The following GRIPAP1 variants were observed in gnomAD, a reference collection of about 807,000 sequenced individuals.
GRIPAP1 encodes GRIP1-associated protein 1.
In GRIPAP1, 14 loss-of-function variants were observed where a neutral mutation model predicts 84.1. The observed-to-expected ratio is 0.17, with a 90% CI of 0.11 to 0.26. The LOEUF (loss-of-function observed/expected upper bound fraction) is 0.26. GRIPAP1 is among the 10% of genes least tolerant of loss of function. The pLI is 1.00. For missense variants in GRIPAP1, 518 were observed against 674.2 expected, an observed-to-expected ratio of 0.77 and a Z score of 2.57; for synonymous variants, 261 against 256.8, an observed-to-expected ratio of 1.02 and a Z score of -0.15.
intron 3 of GRIPAP1, among the ~76,000 whole-genome samples, chrX:48,998,705 C>A (rs2064560560): frequency 8.9e-6 from 1 of 112,495 alleles, no homozygotes; most frequent in Admixed American, 9.4e-5. Context: ...GTTCATCCAA[C>A]AAATATTTAT....
chrX:49,001,853 AG>A (rs1385189708), intron 1 of GRIPAP1, among the ~76,000 whole-genome samples: 4 of 110,202 alleles, frequency 3.6e-5, no homozygotes, highest in African/African-American at 1.3e-4. Context: ...TCGCCTTCTC[AG>A]GATCTCCTTC....
intron 21 of GRIPAP1, among the ~76,000 whole-genome samples, chrX:48,979,478 CAAAAAAAAAAA>C (rs2064442674): frequency 2.7e-4 from 1 of 3,677 alleles, no homozygotes; most frequent in African/African-American, 8.4e-4. Context: ...CTCCGTCTAA[CAAAAAAAAAAA>C]AAAAAAAAAA....
At chrX:48,979,785 T>TG (rs2064445752) in intron 21 of GRIPAP1, among the ~76,000 whole-genome samples, 1 of 106,234 alleles carries the variant, frequency 9.4e-6, no homozygotes, top group African/African-American at 3.4e-5. Flanking sequence ...GCTAATTTTT[T>TG]GTATTTTCAG....
rs782361769 is a variant in GRIPAP1, at chrX:48,987,842, C to G, written c.984G>C (p.Val328=). The G allele has an allele frequency of 1.7e-6, 2 of 1,201,876 alleles. No homozygotes were observed. Among genetic ancestry groups the G allele is most frequent in the Non-Finnish European group, 2.2e-6 (2 of 890,578 alleles). The stretch of plus-strand genomic sequence containing the variant: ...CATTGTTCTCAGCCAAAAGCCCTTC[C>G]ACTTGTTCCTGTGCATCTGCACTCT... ...SIQSADAQEQ[V]EGLLAENNAL... Residue 328 remains valine, a synonymous_variant, in exon 13 of 26, where the codon GTG becomes GTC. Transcript: ENST00000376423.
intron 12 of GRIPAP1, 48 bp downstream of exon 12, chrX:48,988,073 G>T: frequency 9.9e-7 from 1 of 1,006,644 alleles, no homozygotes; most frequent in East Asian, 3.2e-5. Flanking sequence ...CACTCAGGCT[G>T]CCCCCATCCT....
rs1436602196 is a variant in GRIPAP1, at chrX:48,978,450, G to C, written c.1931-15C>G. 7.6e-6 allele frequency: 9 copies of C among 1,178,848 alleles called. No homozygotes were observed. The highest frequency in any genetic ancestry group is 6.8e-6 in the Non-Finnish European group (6 of 876,681). On this transcript the variant is annotated splice_polypyrimidine_tract_variant and intron_variant, in intron 21 of 25. Transcript: ENST00000376423. ...CTCCTCAAGGCCTGGGTGGTGGAGG[G>C]AAGAGAAACTTGAGCCCCAATACCC...
At chrX:48,987,516 G>A (rs1284675367) in intron 13 of GRIPAP1, among the ~76,000 whole-genome samples, 4 of 95,391 alleles carry the variant, frequency 4.2e-5, no homozygotes, top group East Asian at 3.2e-4. Flanking sequence ...GTGCGATCTC[G>A]GCTCACTGAA....
Position 48,993,597 on chromosome X carries a change from G to C in GRIPAP1, c.307-19C>G, listed in dbSNP as rs782484802. 1 of 1,102,206 alleles carries C rather than the reference G, an allele frequency of 9.1e-7. No individual in the cohort carries two copies. The highest frequency in any genetic ancestry group is 1.2e-6 in the Non-Finnish European group (1 of 836,484). 90.8% of individuals were successfully genotyped at this position (1,102,206 alleles called of 1,213,427 possible). A position where few individuals can be genotyped will look rare whatever the true frequency, so the allele number is the denominator to read the frequency against. ...TGCAGAGCTGAACAGAGGAAGAGAA[G>C]GGGCAGAGAAGCAGAGAATCAGAGC... On this transcript the variant is annotated intron_variant, in intron 5 of 25. Coordinates refer to ENST00000376423, the MANE Select transcript of GRIPAP1 (RefSeq NM_020137.5).
In GRIPAP1 at chrX:48,997,270, G is replaced by C; in HGVS notation, c.286C>G (p.Leu96Val). The C allele has an allele frequency of 1.7e-6, 2 of 1,162,017 alleles. No individual in the cohort carries two copies. The highest frequency in any genetic ancestry group is 2.3e-6 in the Non-Finnish European group (2 of 856,338). ...AGCACCTTGCTGAACTCGGCCATTA[G>C]TGTGCTGTTCTGCAAACGGAAGTCC... ...EEDFRLQNST[L>V]MAEFSKLCSQ... The change falls in exon 5 of 26, where the codon CTA becomes GTA. Residue 96 changes from leucine to valine, a missense_variant. Coordinates refer to ENST00000376423, the MANE Select transcript of GRIPAP1 (RefSeq NM_020137.5).
At position 48,990,913 on chromosome X, in the gene GRIPAP1, G is replaced by A; in HGVS notation, c.642+13C>T. 1 of 1,136,780 alleles carries A rather than the reference G, an allele frequency of 8.8e-7. No homozygotes were observed. The allele number at this position is 1,136,780 out of a possible 1,213,427, so 93.7% of individuals were successfully genotyped here. On this transcript the variant is annotated intron_variant, in intron 7 of 25. Coordinates refer to ENST00000376423, the MANE Select transcript of GRIPAP1 (RefSeq NM_020137.5). Reference sequence around the variant, plus strand: ...GCCTTCTGGCATTCCAGCTCCAACAGACTCAGATTCACCTCTAAGCCTTGC... The same window carrying A: ...GCCTTCTGGCATTCCAGCTCCAACAAACTCAGATTCACCTCTAAGCCTTGC...
chrX:48,977,780 G>A lies in GRIPAP1; in HGVS notation c.2061+525C>T, dbSNP rs186471973. On this transcript the variant is annotated intron_variant, in intron 22 of 25. Transcript: ENST00000376423. ...TTAAACTCCTGAGCTCAAGTGATCCGCCCACCTTGGCCTCCCAAAGTGTAG... is the reference window on the plus strand; with the variant it reads ...TTAAACTCCTGAGCTCAAGTGATCCACCCACCTTGGCCTCCCAAAGTGTAG... The A allele has an allele frequency of 7.1e-3, 775 of 109,013 alleles. 2 individuals carry two copies. Among genetic ancestry groups the A allele is most frequent in the Non-Finnish European group, 0.01 (548 of 52,487 alleles). The allele number at this position is 109,013 out of a possible 1,213,427, so 9.0% of individuals were successfully genotyped here. A position where few individuals can be genotyped will look rare whatever the true frequency, so the allele number is the denominator to read the frequency against.
chrX:48,987,442 CT>C (rs782089098), intron 13 of GRIPAP1, among the ~76,000 whole-genome samples: 2,431 of 83,135 alleles, frequency 0.029, 30 homozygotes, highest in Non-Finnish European at 0.045. Flanking sequence ...CCACCACGCC[CT>C]TTTTTTTTTT....
rs1557060461 is a variant in GRIPAP1, at chrX:48,976,235, C to T, written c.2184+6G>A. ...GGGGATGGGCAGGCAGGCAGGCAGGCAGCACCTTCTCCTCCAGCATCCATT... is the reference window on the plus strand; with the variant it reads ...GGGGATGGGCAGGCAGGCAGGCAGGTAGCACCTTCTCCTCCAGCATCCATT... On this transcript the variant is annotated splice_donor_region_variant and intron_variant, in intron 23 of 25. Coordinates refer to ENST00000376423, the MANE Select transcript of GRIPAP1 (RefSeq NM_020137.5). 8.5e-7 allele frequency: 1 copy of T among 1,172,552 alleles called. No individual in the cohort carries two copies. The highest frequency in any genetic ancestry group is 2.6e-5 in the Admixed American group (1 of 39,214).
intron 15 of GRIPAP1, 89 bp downstream of exon 15, chrX:48,983,686 A>G: frequency 1.6e-6 from 1 of 614,963 alleles, no homozygotes. Context: ...CTATCCCCAC[A>G]TGTTTGGTTA....
chrX:48,985,223 T>C (rs782638014), intron 14 of GRIPAP1, 45 bp downstream of exon 14: 2 of 1,158,061 alleles, frequency 1.7e-6, no homozygotes, highest in Non-Finnish European at 2.4e-6. Context: ...CACTGGGCCA[T>C]TACTAGGGAA....
Position 48,983,788 on chromosome X carries a change from T to C in GRIPAP1, c.1259A>G (p.Gln420Arg), listed in dbSNP as rs782307681. The C allele has an allele frequency of 2.6e-6, 3 of 1,167,677 alleles. No homozygotes were observed. The highest frequency in any genetic ancestry group is 3.5e-6 in the Non-Finnish European group (3 of 855,416). ...QEKEQLTQEL[Q>R]EARKSAEKRK... Reference sequence around the variant, plus strand: ...ATGTTCCCCTACCTTCCGAGCCTCCTGTAATTCCTGGGTCAACTGCTCCTT... The same window carrying C: ...ATGTTCCCCTACCTTCCGAGCCTCCCGTAATTCCTGGGTCAACTGCTCCTT... The change falls in exon 15 of 26, where the codon CAG becomes CGG. Residue 420 changes from glutamine (Q) to arginine (R), a missense_variant. This residue lies in a region of GRIPAP1 where 372 missense variants were observed against 458.1 expected (regional missense o/e 0.81). Transcript: ENST00000376423.
intron 14 of GRIPAP1, 151 bp downstream of exon 14, chrX:48,985,117 T>C (rs782023033): frequency 1.6e-4 from 60 of 386,273 alleles, no homozygotes; most frequent in Non-Finnish European, 2.5e-4. Context: ...TGAAATGACT[T>C]GTCCCAGAAC....
At position 48,991,111 on chromosome X, in the gene GRIPAP1, C is replaced by A. The variant is rs2064517806; in HGVS notation, c.458-1G>T. 1 of 1,174,266 alleles carries A rather than the reference C, an allele frequency of 8.5e-7. No individual in the cohort carries two copies. The highest frequency in any genetic ancestry group is 1.8e-5 in the African/African-American group (1 of 56,912). On this transcript the variant is annotated splice_acceptor_variant, in intron 6 of 25. Transcript: ENST00000376423. LOFTEE classifies it high-confidence loss of function. ...TCTTTCCCATAGCGTTCCTGCAGGG[C>A]TGGTGAGTAGAACAGGGATATATGA...
At chrX:48,997,972 G>C in intron 4 of GRIPAP1, 182 bp downstream of exon 4, 1 of 468,602 alleles carries the variant, frequency 2.1e-6, no homozygotes, top group East Asian at 3.7e-5. Context: ...GAGAAGGAAA[G>C]AGACACAGAG....
Sources: gnomAD v4.1 joint callset for allele counts (sites outside exome capture counted in the v4.1 genomes callset) on GRCh38, gnomAD v4.1.1 for gene constraint, gnomAD v4.1.1 regional missense constraint, MANE v1.5 for transcripts, NCBI Gene and HGNC (gene_info 2026-07-23, HGNC 2026-07-21) for gene names.